LRP1B: variants seen among roughly 807,000 people sequenced by gnomAD.
LRP1B encodes the protein low-density lipoprotein receptor-related protein 1B.
In LRP1B, 217 loss-of-function variants were observed where a neutral mutation model predicts 556.6. The observed-to-expected ratio is 0.39, with a 90% CI of 0.35 to 0.44. LRP1B has a LOEUF of 0.44. Ranked by LOEUF, LRP1B falls within the 20% of genes least tolerant of loss-of-function variation. LRP1B has a pLI of 1.00. For missense variants in LRP1B, 5,053 were observed against 5,620.8 expected (o/e 0.90, Z 3.23); for synonymous variants, 2,047 against 1,865.8 (o/e 1.10, Z -2.50).
chr2:141,959,614 G>A (rs565951485), intron 1 of LRP1B, among the ~76,000 whole-genome samples: 14 of 151,620 alleles, frequency 9.2e-5, no homozygotes, highest in Non-Finnish European at 1.6e-4. Context: ...TGAAATTATC[G>A]TATTAACACA....
At chr2:140,269,012 T>C (rs1248142642) in intron 86 of LRP1B, among the ~76,000 whole-genome samples, 1 of 152,052 alleles carries the variant, frequency 6.6e-6, no homozygotes, top group Non-Finnish European at 1.5e-5. Flanking sequence ...GCTACTATTT[T>C]CTAGCAAATG....
At chr2:141,455,434 G>A (rs1183157189) in intron 3 of LRP1B, among the ~76,000 whole-genome samples, 2 of 152,100 alleles carry the variant, frequency 1.3e-5, no homozygotes, top group African/African-American at 4.8e-5. Flanking sequence ...TGAAGTGTCC[G>A]AGTCAGGAAA....
intron 2 of LRP1B, among the ~76,000 whole-genome samples, chr2:141,658,183 A>G (rs1180970845): frequency 6.6e-6 from 1 of 152,224 alleles, no homozygotes; most frequent in African/African-American, 2.4e-5. Flanking sequence ...AAAGAAAAAA[A>G]CTTTCAAGGA....
chr2:141,811,586 T>G (rs1415744977), intron 1 of LRP1B, among the ~76,000 whole-genome samples: 2 of 152,098 alleles, frequency 1.3e-5, no homozygotes. Context: ...ACATATATCT[T>G]TAAAATCTAC....
chr2:140,958,672 A>G (rs1326333423), intron 18 of LRP1B, among the ~76,000 whole-genome samples: 1 of 151,630 alleles, frequency 6.6e-6, no homozygotes, highest in East Asian at 1.9e-4. Flanking sequence ...CTTTAGATTC[A>G]GGAAGCAAAA....
At chr2:140,261,048 T>C (rs1681912901) in intron 86 of LRP1B, among the ~76,000 whole-genome samples, 1 of 119,962 alleles carries the variant, frequency 8.3e-6, no homozygotes, top group African/African-American at 3.7e-5. Flanking sequence ...GATATATATA[T>C]ATGTGTGTGT....
At chr2:140,647,693 C>T (rs1307694493) in intron 41 of LRP1B, among the ~76,000 whole-genome samples, 1 of 152,136 alleles carries the variant, frequency 6.6e-6, no homozygotes, top group Non-Finnish European at 1.5e-5. Flanking sequence ...CATTTTTGCT[C>T]ATCATCACAG....
intron 3 of LRP1B, among the ~76,000 whole-genome samples, chr2:141,479,879 A>G (rs1682854165): frequency 6.6e-6 from 1 of 152,174 alleles, no homozygotes; most frequent in Admixed American, 6.5e-5. Context: ...TAGAATTTAG[A>G]TGTTGATTTT....
intron 89 of LRP1B, among the ~76,000 whole-genome samples, 171 bp downstream of exon 89, chr2:140,237,981 C>T (rs1680785604): frequency 6.6e-6 from 1 of 150,780 alleles, no homozygotes; most frequent in South Asian, 2.1e-4. Flanking sequence ...CAGGTGAATG[C>T]AGTCCATAAT....
intron 2 of LRP1B, among the ~76,000 whole-genome samples, chr2:141,496,290 C>A (rs532231397): frequency 6.6e-6 from 1 of 151,856 alleles, no homozygotes; most frequent in South Asian, 2.1e-4. Flanking sequence ...AAAAAAATGC[C>A]AAACTTTAAT....
At chr2:140,860,355 G>A (rs1390337108) in intron 27 of LRP1B, among the ~76,000 whole-genome samples, 2 of 151,942 alleles carry the variant, frequency 1.3e-5, no homozygotes, top group East Asian at 3.9e-4. Flanking sequence ...TCTTTTTCTG[G>A]GTTTTGATTC....
At chr2:141,987,652 T>A (rs773389734) in intron 1 of LRP1B, among the ~76,000 whole-genome samples, 16 of 151,684 alleles carry the variant, frequency 1.1e-4, no homozygotes, top group Non-Finnish European at 3.0e-5. Context: ...CTTTTTATTT[T>A]AATATACCTA....
Position 140,356,327 on chromosome 2 carries a change from A to C in LRP1B, c.11530+15T>G, listed in dbSNP as rs765697048. 6.2e-7 allele frequency: 1 copy of C among 1,609,118 alleles called. No homozygotes were observed. Among genetic ancestry groups the C allele is most frequent in the Admixed American group, 1.7e-5 (1 of 59,622 alleles). ...CAAAGATTTATGAGCAAACTGTTGAAGAAAAGTACTCTACCTTCACATTGT... is the reference window on the plus strand; with the variant it reads ...CAAAGATTTATGAGCAAACTGTTGACGAAAAGTACTCTACCTTCACATTGT... On this transcript the variant is annotated intron_variant, in intron 75 of 90. Coordinates refer to ENST00000389484, the MANE Select transcript of LRP1B (RefSeq NM_018557.3).
At chr2:140,867,506 G>C (rs531067852) in intron 27 of LRP1B, 84 bp downstream of exon 27, 4 of 1,366,982 alleles carry the variant, frequency 2.9e-6, no homozygotes, top group South Asian at 1.7e-5. Context: ...TTAACTTATA[G>C]AAGTTATTTT....
chr2:141,828,336 T>G (rs352978), intron 1 of LRP1B, among the ~76,000 whole-genome samples: 3 of 151,762 alleles, frequency 2.0e-5, no homozygotes, highest in Non-Finnish European at 4.4e-5. Context: ...GTAATTCAAT[T>G]TAAACATTCA....
chr2:140,240,181 G>A, intron 87 of LRP1B, among the ~76,000 whole-genome samples: 1 of 150,164 alleles, frequency 6.7e-6, no homozygotes, highest in Middle Eastern at 3.2e-3. Context: ...CACAGAATTA[G>A]GGGGTGAAGA....
chr2:141,023,230 T>C (rs1698117063), intron 11 of LRP1B, among the ~76,000 whole-genome samples: 1 of 151,958 alleles, frequency 6.6e-6, no homozygotes, highest in South Asian at 2.1e-4. Context: ...ATAACTTATA[T>C]GAATGGAGTA....
intron 7 of LRP1B, among the ~76,000 whole-genome samples, chr2:141,141,728 A>G (rs1050432900): frequency 6.6e-6 from 1 of 152,194 alleles, no homozygotes; most frequent in Non-Finnish European, 1.5e-5. Flanking sequence ...GTAAAGAGAG[A>G]AAATGAAACA....
intron 2 of LRP1B, among the ~76,000 whole-genome samples, chr2:141,527,718 C>T (rs2105185828): frequency 6.6e-6 from 1 of 152,102 alleles, no homozygotes; most frequent in Non-Finnish European, 1.5e-5. Flanking sequence ...AATACTAGTT[C>T]TAGAAAACAG....
Sources: allele counts gnomAD v4.1 joint callset (sites outside exome capture counted in the v4.1 genomes callset), GRCh38; gene constraint gnomAD v4.1.1; transcripts MANE v1.5; gene names NCBI Gene and HGNC (gene_info 2026-07-23, HGNC 2026-07-21).